PLPP1: variants seen among roughly 807,000 people sequenced by gnomAD.
PLPP1 encodes lipid phosphate phosphohydrolase 1a.
In PLPP1, 24 loss-of-function variants were observed where a neutral mutation model predicts 31.2. The ratio of observed to expected loss-of-function variants is 0.77; its 90% CI spans 0.56 to 1.08. The LOEUF is 1.08. Among genes scored for constraint, PLPP1 ranks in the 50% least tolerant of loss-of-function variants. The probability of loss-of-function intolerance (pLI) is 0.00; values close to 1 mark genes in which losing one functional copy is unlikely to be tolerated. For synonymous variants in PLPP1, 146 were observed against 126.3 expected, an observed-to-expected ratio of 1.16 and a Z score of -1.05; for missense variants, 319 against 342.7, an observed-to-expected ratio of 0.93 and a Z score of 0.55.
rs921952239 is a variant in PLPP1 at position 55,534,702 on chromosome 5, G to C, written c.-73C>G. 75 of 1,452,648 alleles carry C rather than the reference G, an allele frequency of 5.2e-5. No homozygotes were observed. Among genetic ancestry groups the C allele is most frequent in the South Asian group, 4.7e-4 (37 of 78,350 alleles). The allele number at this position is 1,452,648 out of a possible 1,614,324, so 90.0% of individuals were successfully genotyped here. On this transcript the variant is annotated 5_prime_UTR_variant, in exon 1 of 6. Coordinates refer to ENST00000307259, the MANE Select transcript of PLPP1 (RefSeq NM_003711.4). ...ACGGCGGCCGAGGCCCTTGATTCTC[G>C]AGCCCGGGCCGGGGCTGGCGACGGC...
chr5:55,504,087 T>C (rs1264348321), intron 1 of PLPP1, among the ~76,000 whole-genome samples: 3 of 151,712 alleles, frequency 2.0e-5, no homozygotes, highest in Non-Finnish European at 4.4e-5. Flanking sequence ...ACACAAAAAT[T>C]AGGCCGGGTG....
intron 1 of PLPP1, among the ~76,000 whole-genome samples, chr5:55,490,045 G>A (rs1752854132): frequency 6.6e-6 from 1 of 151,340 alleles, no homozygotes; most frequent in African/African-American, 2.4e-5. Context: ...AAACTAGAAT[G>A]AAAATTTTAA....
At chr5:55,446,193 G>A (rs906407316) in intron 3 of PLPP1, among the ~76,000 whole-genome samples, 1 of 152,074 alleles carries the variant, frequency 6.6e-6, no homozygotes, top group African/African-American at 2.4e-5. Flanking sequence ...CTCCATCCTC[G>A]TACCTTTCTA....
chr5:55,493,016 T>C (rs1276520660), intron 1 of PLPP1, among the ~76,000 whole-genome samples: 1 of 152,116 alleles, frequency 6.6e-6, no homozygotes, highest in African/African-American at 2.4e-5. Context: ...GTGTTCACGA[T>C]AAGAACTCAA....
At chr5:55,483,128 T>C (rs556118825) in intron 1 of PLPP1, among the ~76,000 whole-genome samples, 14 of 152,212 alleles carry the variant, frequency 9.2e-5, no homozygotes, top group Non-Finnish European at 1.8e-4. Flanking sequence ...TTTTTTAAAA[T>C]TAACTTAGGA....
chr5:55,526,949 A>AG (rs1740472102), intron 1 of PLPP1, among the ~76,000 whole-genome samples: 1 of 148,640 alleles, frequency 6.7e-6, no homozygotes, highest in Non-Finnish European at 1.5e-5. Context: ...AAAAAAAAAA[A>AG]AAAAAGTTAA....
At chr5:55,458,914 A>AAAAAAAAAAAAAAAAAAAAAAAAAAAAAC (rs1387046910) in intron 3 of PLPP1, among the ~76,000 whole-genome samples, 1 of 148,868 alleles carries the variant, frequency 6.7e-6, no homozygotes, top group Admixed American at 6.8e-5. Context: ...AAAAAAAAAA[A>AAAAAAAAAAAAAAAAAAAAAAAAAAAAAC]AACACATAGC....
chr5:55,493,879 CAA>C (rs35683543), intron 1 of PLPP1, among the ~76,000 whole-genome samples: 26 of 95,650 alleles, frequency 2.7e-4, no homozygotes, highest in Admixed American at 7.0e-4. Context: ...GACTCCATCT[CAA>C]AAAAAAAAAA....
intron 4 of PLPP1, among the ~76,000 whole-genome samples, chr5:55,430,849 A>G (rs1751332039): frequency 6.6e-6 from 1 of 152,166 alleles, no homozygotes; most frequent in Non-Finnish European, 1.5e-5. Context: ...ATACAAAGAA[A>G]TCAGAGAAAC....
At chr5:55,531,972 C>T (rs1379266681) in intron 1 of PLPP1, among the ~76,000 whole-genome samples, 2 of 152,106 alleles carry the variant, frequency 1.3e-5, no homozygotes, top group African/African-American at 4.8e-5. Flanking sequence ...GCCAGTAATA[C>T]CAAAACATAA....
intron 3 of PLPP1, among the ~76,000 whole-genome samples, chr5:55,463,176 G>T (rs1435665558): frequency 1.3e-5 from 2 of 151,960 alleles, no homozygotes; most frequent in Admixed American, 6.6e-5. Flanking sequence ...ACACACCGGG[G>T]CCTGTCAGGG....
At position 55,425,029 on chromosome 5, in the gene PLPP1, A is replaced by C. The variant is rs777643583; in HGVS notation, c.*177T>G. On this transcript the variant is annotated 3_prime_UTR_variant, in exon 6 of 6. Transcript: ENST00000307259. The stretch of plus-strand genomic sequence containing the variant: ...TTTTTTTAATGAGTTTAGAGCTATT[A>C]GATAACCACTGAGTTAAAGGTAACT... The C allele has an allele frequency of 1.5e-4, 126 of 860,784 alleles. 1 individual carries two copies. The highest frequency in any genetic ancestry group is 2.0e-4 in the Non-Finnish European group (110 of 562,148). 53.3% of individuals were successfully genotyped at this position (860,784 alleles called of 1,614,324 possible). A position where few individuals can be genotyped will look rare whatever the true frequency, so the allele number is the denominator to read the frequency against.
In PLPP1 at chr5:55,534,749, G is replaced by A; in HGVS notation, c.-120C>T. 9.2e-7 allele frequency: 1 copy of A among 1,084,608 alleles called. No homozygotes were observed. Among genetic ancestry groups the A allele is most frequent in the Non-Finnish European group, 1.3e-6 (1 of 784,944 alleles). 67.2% of individuals were successfully genotyped at this position (1,084,608 alleles called of 1,614,324 possible). A position where few individuals can be genotyped will look rare whatever the true frequency, so the allele number is the denominator to read the frequency against. ...CGGCCCCGAGCTACGGCCCCTCCCA[G>A]CCGGAGGAGGAGAGCAGCCGAGGGC... On this transcript the variant is annotated 5_prime_UTR_variant, in exon 1 of 6. Transcript: ENST00000307259.
intron 4 of PLPP1, among the ~76,000 whole-genome samples, chr5:55,429,664 C>T (rs1751297482): frequency 6.6e-6 from 1 of 152,092 alleles, no homozygotes; most frequent in African/African-American, 2.4e-5. Context: ...CCCCAGCAGA[C>T]TGCATCATTC....
chr5:55,436,425 C>T (rs1402139758), intron 4 of PLPP1, among the ~76,000 whole-genome samples: 1 of 152,220 alleles, frequency 6.6e-6, no homozygotes, highest in Non-Finnish European at 1.5e-5. Flanking sequence ...CTGCCTGCCG[C>T]CATCCACGTA....
intron 1 of PLPP1, among the ~76,000 whole-genome samples, chr5:55,528,795 C>A (rs1003104762): frequency 3.9e-5 from 6 of 151,988 alleles, no homozygotes; most frequent in African/African-American, 1.5e-4. Context: ...CTTTTATGTT[C>A]TTTTAGTTAT....
At chr5:55,490,589 T>C (rs1193476737) in intron 1 of PLPP1, among the ~76,000 whole-genome samples, 1 of 152,204 alleles carries the variant, frequency 6.6e-6, no homozygotes, top group Non-Finnish European at 1.5e-5. Context: ...AACAGTATGA[T>C]AAAGCAAGCA....
At chr5:55,475,934 T>C (rs573713499) in intron 1 of PLPP1, among the ~76,000 whole-genome samples, 120 of 151,898 alleles carry the variant, frequency 7.9e-4, no homozygotes, top group African/African-American at 2.8e-3. Flanking sequence ...GTATTGTCTA[T>C]AGCAGGCTGA....
intron 2 of PLPP1, among the ~76,000 whole-genome samples, chr5:55,474,217 G>A (rs1188228725): frequency 1.3e-5 from 2 of 150,444 alleles, no homozygotes; most frequent in Admixed American, 6.6e-5. Context: ...GGCTGGTCTC[G>A]AACTCCTGAT....
Sources: gnomAD v4.1 joint callset for allele counts (sites outside exome capture counted in the v4.1 genomes callset) on GRCh38, gnomAD v4.1.1 for gene constraint, MANE v1.5 for transcripts, NCBI Gene and HGNC (gene_info 2026-07-23, HGNC 2026-07-21) for gene names.